COL18A1: variants seen among roughly 807,000 people sequenced by gnomAD.
COL18A1 encodes collagen alpha-1(XVIII) chain.
COL18A1 carries 133 observed loss-of-function variants against 168.0 expected under a neutral mutation model. The observed-to-expected ratio is 0.79, with a 90% CI of 0.69 to 0.91. The LOEUF (loss-of-function observed/expected upper bound fraction) is 0.91, where lower values mean the gene tolerates loss of function less well. Ranked by LOEUF, COL18A1 falls within the 40% of genes least tolerant of loss-of-function variation. The pLI is 0.00. For missense variants in COL18A1, 2,126 were observed against 1,925.4 expected, an observed-to-expected ratio of 1.10 and a Z score of -1.95; for synonymous variants, 949 against 809.0, an observed-to-expected ratio of 1.17 and a Z score of -2.94.
intron 32 of COL18A1, among the ~76,000 whole-genome samples, chr21:45,500,132 GGTGGAGT>G (rs1225422251): frequency 6.1e-5 from 9 of 148,158 alleles, no homozygotes; most frequent in East Asian, 5.9e-4. Context: ...TGGGGGTGTG[GGTGGAGT>G]GTGGAGTGTG....
At chr21:45,465,289 G>A (rs571363008) in intron 2 of COL18A1, among the ~76,000 whole-genome samples, 46 of 152,310 alleles carry the variant, frequency 3.0e-4, no homozygotes, top group African/African-American at 1.1e-3. Flanking sequence ...CAGCGCTGAC[G>A]GTGGAGAGAT....
intron 2 of COL18A1, among the ~76,000 whole-genome samples, chr21:45,405,697 C>T (rs1014237651): frequency 6.6e-6 from 1 of 150,726 alleles, no homozygotes; most frequent in Non-Finnish European, 1.5e-5. Flanking sequence ...GAGGGGTGCG[C>T]GGTGCGAGCG....
In COL18A1 at chr21:45,479,885, C is replaced by G; in HGVS notation, c.1249-17C>G. The G allele has an allele frequency of 1.2e-6, 2 of 1,613,356 alleles. No homozygotes were observed. Among genetic ancestry groups the G allele is most frequent in the South Asian group, 2.2e-5 (2 of 91,072 alleles). ...GTGGTGCCTTCCCTGACCGGGCCCCCGGATGTTGTGTTCCAGGGCGACACC... is the reference window on the plus strand; with the variant it reads ...GTGGTGCCTTCCCTGACCGGGCCCCGGGATGTTGTGTTCCAGGGCGACACC... On this transcript the variant is annotated splice_polypyrimidine_tract_variant and intron_variant, in intron 9 of 41. Coordinates refer to ENST00000651438, the MANE Select transcript of COL18A1 (RefSeq NM_001379500.1).
intron 2 of COL18A1, among the ~76,000 whole-genome samples, chr21:45,405,754 G>C (rs1475601712): frequency 1.3e-5 from 2 of 151,016 alleles, no homozygotes; most frequent in African/African-American, 4.8e-5. Context: ...CGGCGGGGTC[G>C]TCGGTGCCGG....
Position 45,492,668 on chromosome 21 carries a change from G to A in COL18A1, c.2188-19G>A, listed in dbSNP as rs562901496. On this transcript the variant is annotated intron_variant, in intron 23 of 41. Transcript: ENST00000651438. ...AGGGTGCGTGATGACCCCAGCTGACGCCGTCCCTCTTTCCCCAGGGCCGGC... is the reference window on the plus strand; with the variant it reads ...AGGGTGCGTGATGACCCCAGCTGACACCGTCCCTCTTTCCCCAGGGCCGGC... 1.4e-5 allele frequency: 22 copies of A among 1,611,518 alleles called. No individual in the cohort carries two copies. Among genetic ancestry groups the A allele is most frequent in the Middle Eastern group, 1.7e-4 (1 of 6,024 alleles).
rs1187395303 is a variant in COL18A1 at position 45,476,519 on chromosome 21, G to GGTGT, written c.928+45_928+48dup. On this transcript the variant is annotated intron_variant, in intron 6 of 41. Transcript: ENST00000651438. ...TGGATGTGGTGTGTGTGTGGTGTGG[G>GGTGT]GTGTGTGTGGTGTGTAACGTGTGTT... The GGTGT allele has an allele frequency of 9.0e-6, 14 of 1,557,046 alleles. No homozygotes were observed. In the South Asian group the frequency reaches 1.6e-4, roughly 18 times the overall value.
intron 2 of COL18A1, among the ~76,000 whole-genome samples, chr21:45,409,110 G>A: frequency 6.6e-6 from 1 of 152,190 alleles, no homozygotes; most frequent in East Asian, 1.9e-4. Flanking sequence ...ACCATGCAGA[G>A]AAGGGGCCAC....
chr21:45,422,091 A>G (rs1183215139), intron 2 of COL18A1, among the ~76,000 whole-genome samples: 1 of 151,868 alleles, frequency 6.6e-6, no homozygotes, highest in East Asian at 1.9e-4. Flanking sequence ...CAGCTCACAC[A>G]AGCTCTCACA....
chr21:45,412,332 G>A (rs2033323655), intron 2 of COL18A1, among the ~76,000 whole-genome samples: 1 of 151,274 alleles, frequency 6.6e-6, no homozygotes, highest in African/African-American at 2.4e-5. Flanking sequence ...CATCTTCCGG[G>A]CTCAAGCGAT....
In COL18A1 at chr21:45,471,779, C is replaced by T. The variant is rs897512847; in HGVS notation, c.652-2116C>T. 1.3e-5 allele frequency among the ~76,000 whole-genome samples: 2 copies of T among 152,076 alleles called. No homozygotes were observed. Among genetic ancestry groups the T allele is most frequent in the Non-Finnish European group, 2.9e-5 (2 of 68,024 alleles). On this transcript the variant is annotated intron_variant, in intron 3 of 41. Coordinates refer to ENST00000651438, the MANE Select transcript of COL18A1 (RefSeq NM_001379500.1). This position sits in a 1 kb window ranked among gnomAD's most constrained non-coding sequence, Gnocchi z 4.4. ...CAGCTGTGTCCTGATTTCCAGGGCG[C>T]TGAGGCTGCAGCGTGTCGGGAAGCA...
At chr21:45,481,593 G>A (rs554105239) in intron 13 of COL18A1, among the ~76,000 whole-genome samples, 9 of 152,206 alleles carry the variant, frequency 5.9e-5, no homozygotes, top group Non-Finnish European at 1.0e-4. Context: ...TCTGGGTGCC[G>A]CATGGCAAGT....
intron 32 of COL18A1, chr21:45,502,763 G>C (rs1381113784): frequency 6.6e-6 from 1 of 152,232 alleles, no homozygotes; most frequent in Non-Finnish European, 1.5e-5. Context: ...TCAGGGCCAA[G>C]ACACAGCTGC....
Position 45,513,225 on chromosome 21 carries a change from T to G in COL18A1, c.*827T>G, listed in dbSNP as rs550551004. 110 of 152,348 alleles carry G rather than the reference T, an allele frequency of 7.2e-4. 1 individual carries two copies. Among genetic ancestry groups the G allele is most frequent in the African/African-American group, 2.5e-3 (105 of 41,554 alleles). The allele number at this position is 152,348 out of a possible 1,614,324, so 9.4% of individuals were successfully genotyped here. ...CTCATGCCCCTGGCTGGGACGTGGC[T>G]CAGCCAGCACTTGTCCAGCTGAGCG... On this transcript the variant is annotated 3_prime_UTR_variant, in exon 42 of 42. Transcript: ENST00000651438.
rs547865863 is a variant in COL18A1 at position 45,486,894 on chromosome 21, C to T, written c.1735C>T (p.Arg579Cys). Residue 579 changes from arginine to cysteine, a missense_variant, in exon 16 of 42, where the codon CGT becomes TGT. Transcript: ENST00000651438. ...GGGAGCCCCCGGTCCTGCTGGTGCTCGTGGGGAGAGCGGCCTGGCAGGAGC... is the reference window on the plus strand; with the variant it reads ...GGGAGCCCCCGGTCCTGCTGGTGCTTGTGGGGAGAGCGGCCTGGCAGGAGC... ...SKGAPGPAGA[R>C]GESGLAGAPG... is the part of the protein sequence containing the mutation. The T allele has an allele frequency of 7.9e-6, 12 of 1,526,390 alleles. No homozygotes were observed. The East Asian group carries it at 1.2e-4, about 16-fold the overall frequency. 94.6% of individuals were successfully genotyped at this position (1,526,390 alleles called of 1,614,324 possible).
chr21:45,443,887 C>G lies in COL18A1; in HGVS notation c.107-24355C>G, dbSNP rs67202942. Among the ~76,000 whole-genome samples the G allele has an allele frequency of 0.059, 8,974 of 152,208 alleles. 365 individuals carry two copies. The highest frequency in any genetic ancestry group is 0.089 in the Non-Finnish European group (6,072 of 67,976). On this transcript the variant is annotated intron_variant, in intron 2 of 41. Transcript: ENST00000651438. The surrounding 1 kb of genome is among the most constrained non-coding windows in gnomAD (Gnocchi z 5.2). ...GGACACTGGACATCTGGTGGCCCTC[C>G]AGACTCCTAGGAAGGGGACCGTCCT...
At chr21:45,496,253 G>A (rs758947425) in intron 29 of COL18A1, 81 of 694,834 alleles carry the variant, frequency 1.2e-4, no homozygotes, top group Non-Finnish European at 1.9e-4. Context: ...ACGCAGACCC[G>A]GTGGCCTCTT....
intron 20 of COL18A1, 88 bp downstream of exon 20, chr21:45,490,434 C>A: frequency 8.5e-7 from 1 of 1,178,704 alleles, no homozygotes; most frequent in Non-Finnish European, 1.2e-6. Context: ...CGAGATGTGC[C>A]CTCCCGGGTC....
At chr21:45,470,848 C>G (rs1045499925) in intron 3 of COL18A1, among the ~76,000 whole-genome samples, 1 of 152,130 alleles carries the variant, frequency 6.6e-6, no homozygotes, top group South Asian at 2.1e-4. Flanking sequence ...CTTACAACAG[C>G]CCAGTGAAAC....
Position 45,502,602 on chromosome 21 carries a change from GAAC to G in COL18A1, c.2684-1404_2684-1402del, listed in dbSNP as rs577917009. The stretch of plus-strand genomic sequence containing the variant: ...TCCAAAGTTAATTCTTTGCAAAGGC[GAAC>G]AACATTCCTGCACCTCTGCCGGGAC... On this transcript the variant is annotated intron_variant, in intron 32 of 41. Transcript: ENST00000651438. 9.2e-5 allele frequency: 14 copies of G among 152,266 alleles called. No individual in the cohort carries two copies. In the South Asian group the frequency reaches 2.7e-3, roughly 29 times the overall value. 9.4% of individuals were successfully genotyped at this position (152,266 alleles called of 1,614,324 possible). A position where few individuals can be genotyped will look rare whatever the true frequency, so the allele number is the denominator to read the frequency against.
Sources: allele counts gnomAD v4.1 joint callset (sites outside exome capture counted in the v4.1 genomes callset), GRCh38; gene constraint gnomAD v4.1.1; non-coding constraint Gnocchi (gnomAD v3.1); transcripts MANE v1.5; gene names NCBI Gene and HGNC (gene_info 2026-07-23, HGNC 2026-07-21).